The following NDE1 variants were observed in gnomAD, a reference collection of about 807,000 sequenced individuals.
The protein encoded by NDE1 is nudE neurodevelopment protein 1, also known as nuclear distribution protein nudE homolog 1.
Under a neutral mutation model 43.4 loss-of-function variants are expected in NDE1, and 28 were observed. The ratio of observed to expected loss-of-function variants is 0.65; its 90% CI spans 0.48 to 0.89. NDE1 has a LOEUF of 0.89. Ranked by LOEUF, NDE1 falls within the 40% of genes least tolerant of loss-of-function variation. The pLI is 0.00. For synonymous variants in NDE1, 184 were observed against 172.0 expected (o/e 1.07, Z -0.55); for missense variants, 441 against 434.1 (o/e 1.02, Z -0.14).
At chr16:15,667,924 T>A (rs1231660623) in intron 3 of NDE1, among the ~76,000 whole-genome samples, 1 of 151,886 alleles carries the variant, frequency 6.6e-6, no homozygotes, top group East Asian at 1.9e-4. Flanking sequence ...CCGTGGACTT[T>A]CTTGGTTGTG....
At chr16:15,710,681 G>GT (rs796312900) in intron 8 of NDE1, among the ~76,000 whole-genome samples, 55 of 151,036 alleles carry the variant, frequency 3.6e-4, no homozygotes, top group African/African-American at 1.3e-3. Context: ...GAGGGTTTTT[G>GT]TTTTTTGTTT....
chr16:15,687,648 G>T, intron 5 of NDE1, 137 bp downstream of exon 5: 1 of 858,826 alleles, frequency 1.2e-6, no homozygotes, highest in East Asian at 2.5e-5. Context: ...TAATCAGAGG[G>T]TGTCGGACTG....
chr16:15,696,814 G>A lies in NDE1; in HGVS notation c.901G>A (p.Gly301Arg), dbSNP rs753988396. ...SGRSSKNRDG[G>R]ERRPSSTSVP... ...GCGGAGCAGCAAGAACAGAGATGGC[G>A]GGGAGAGACGGCCAAGCAGCACCAG... Residue 301 changes from glycine to arginine, a missense_variant, in exon 8 of 9, where the codon GGG becomes AGG. Transcript: ENST00000396354. 15 of 1,614,088 alleles carry A rather than the reference G, an allele frequency of 9.3e-6. No homozygotes were observed. Among genetic ancestry groups the A allele is most frequent in the African/African-American group, 4.0e-5 (3 of 74,944 alleles).
chr16:15,720,464 C>A, intron 8 of NDE1: 2 of 1,150,622 alleles, frequency 1.7e-6, no homozygotes, highest in African/African-American at 1.5e-5. Flanking sequence ...AACGGAATCA[C>A]GCCGGGCGTG....
intron 8 of NDE1, among the ~76,000 whole-genome samples, chr16:15,698,764 G>A (rs1291008647): frequency 6.6e-6 from 1 of 151,784 alleles, no homozygotes; most frequent in African/African-American, 2.4e-5. Flanking sequence ...GGGTGGCTGA[G>A]GCACAAGAAT....
Position 15,720,838 on chromosome 16 carries a change from C to T in NDE1, c.948-3353C>T, listed in dbSNP as rs111374077. On this transcript the variant is annotated intron_variant, in intron 8 of 8. Transcript: ENST00000396354. Reference sequence around the variant, plus strand: ...CTGCTGGCCTCCCCGGCAGCACGCACCTGTCTCTGCAGTTGCCTCCTCTTC... The same window carrying T: ...CTGCTGGCCTCCCCGGCAGCACGCATCTGTCTCTGCAGTTGCCTCCTCTTC... 1 of 1,613,370 alleles carries T rather than the reference C, an allele frequency of 6.2e-7. No individual in the cohort carries two copies. The highest frequency in any genetic ancestry group is 1.7e-5 in the Admixed American group (1 of 60,010).
At chr16:15,671,726 T>G (rs760829101) in intron 3 of NDE1, among the ~76,000 whole-genome samples, 2 of 152,098 alleles carry the variant, frequency 1.3e-5, no homozygotes, top group Non-Finnish European at 2.9e-5. Context: ...AGTCTCCCCC[T>G]GTCACCCAGG....
intron 7 of NDE1, chr16:15,695,688 A>T: frequency 1.0e-6 from 1 of 985,282 alleles, no homozygotes; most frequent in Non-Finnish European, 1.2e-6. Flanking sequence ...TACACAGTGT[A>T]TTTGTAGCTA....
intron 8 of NDE1, among the ~76,000 whole-genome samples, chr16:15,707,937 A>G (rs146921406): frequency 0.043 from 5,955 of 137,170 alleles, 164 homozygotes; most frequent in South Asian, 0.098. Flanking sequence ...GCGCCATTGC[A>G]CTCCAGAGCG....
chr16:15,680,054 C>T (rs564400022), intron 4 of NDE1, among the ~76,000 whole-genome samples: 5 of 152,318 alleles, frequency 3.3e-5, no homozygotes, highest in Admixed American at 1.3e-4. Context: ...GCTGGGATTA[C>T]GGGCTTGAGC....
At chr16:15,696,216 A>T (rs956660133) in intron 7 of NDE1, among the ~76,000 whole-genome samples, 6 of 151,136 alleles carry the variant, frequency 4.0e-5, no homozygotes, top group Non-Finnish European at 8.8e-5. Context: ...TGCATTAAAA[A>T]TTTTTTTTAT....
intron 8 of NDE1, among the ~76,000 whole-genome samples, chr16:15,723,587 G>A (rs887065422): frequency 1.3e-5 from 2 of 152,132 alleles, no homozygotes; most frequent in Non-Finnish European, 2.9e-5. Flanking sequence ...TGGAGGTTGC[G>A]GGGAGCTGAG....
At chr16:15,662,951 A>G (rs1338814307) in intron 1 of NDE1, among the ~76,000 whole-genome samples, 1 of 152,140 alleles carries the variant, frequency 6.6e-6, no homozygotes, top group Non-Finnish European at 1.5e-5. Context: ...CTGCCTGTCC[A>G]TGGCCACCAG....
upstream of NDE1, among the ~76,000 whole-genome samples, chr16:15,647,906 A>C (rs774302410): frequency 9.2e-5 from 14 of 151,778 alleles, no homozygotes; most frequent in Non-Finnish European, 1.8e-4. Flanking sequence ...GTTGGTGCAC[A>C]CCTGTGGTCC....
intron 8 of NDE1, among the ~76,000 whole-genome samples, chr16:15,705,984 C>CAAAAAAAAAAAAAAAAAAAAA (rs57451847): frequency 5.3e-5 from 3 of 56,764 alleles, no homozygotes; most frequent in African/African-American, 1.1e-4. Flanking sequence ...GACTCCGTCT[C>CAAAAAAAAAAAAAAAAAAAAA]AAAAAAAAAA....
intron 8 of NDE1, chr16:15,719,523 C>T: frequency 6.2e-7 from 1 of 1,610,368 alleles, no homozygotes. Context: ...CAGACTGGAG[C>T]TGCCAAGGGG....
intron 8 of NDE1, chr16:15,719,182 T>A: frequency 6.3e-7 from 1 of 1,595,732 alleles, no homozygotes; most frequent in Non-Finnish European, 8.6e-7. Flanking sequence ...CCCCCCATCC[T>A]CTGCTTCAGA....
intron 8 of NDE1, among the ~76,000 whole-genome samples, chr16:15,700,720 G>A (rs1351153259): frequency 6.6e-6 from 1 of 152,000 alleles, no homozygotes; most frequent in Non-Finnish European, 1.5e-5. Context: ...CAGAGTGCTG[G>A]AATTACAGGC....
intron 2 of NDE1, among the ~76,000 whole-genome samples, chr16:15,665,759 CTT>C (rs77651053): frequency 1.6e-4 from 21 of 135,336 alleles, no homozygotes; most frequent in African/African-American, 1.9e-4. Flanking sequence ...ATCTTATTTT[CTT>C]TTTTTTTTTT....
Sources: gnomAD v4.1 joint callset for allele counts (sites outside exome capture counted in the v4.1 genomes callset) on GRCh38, gnomAD v4.1.1 for gene constraint, MANE v1.5 for transcripts, NCBI Gene and HGNC (gene_info 2026-07-23, HGNC 2026-07-21) for gene names.